Variants in CELF6 observed in about 807,000 individuals in gnomAD.
CELF6 encodes Bruno -like 6, RNA binding protein.
In CELF6, 32 loss-of-function variants were observed where a neutral mutation model predicts 53.1. The observed-to-expected ratio is 0.60, with a 90% CI of 0.46 to 0.81. CELF6 has a LOEUF of 0.81. Ranked by LOEUF, CELF6 falls within the 30% of genes least tolerant of loss-of-function variation. The pLI is 0.00. For missense variants in CELF6, 539 were observed against 669.5 expected, an observed-to-expected ratio of 0.81 and a Z score of 2.15; for synonymous variants, 291 against 288.8, an observed-to-expected ratio of 1.01 and a Z score of -0.08.
rs546300355 is a variant in CELF6, at chr15:72,310,639, C to A, written c.345+5206G>T. Among the ~76,000 whole-genome samples, 7 of 151,554 alleles carry A rather than the reference C, an allele frequency of 4.6e-5. No individual in the cohort carries two copies. The South Asian group carries it at 1.3e-3, about 27-fold the overall frequency. ...AAGTAGCTGGGACTACAGGGGCACA[C>A]CACCACACCTGGCTAATTTTTAAAA... On this transcript the variant is annotated intron_variant, in intron 2 of 12. Transcript: ENST00000287202.
At chr15:72,313,153 AC>A (rs1439927558) in intron 2 of CELF6, among the ~76,000 whole-genome samples, 4 of 152,174 alleles carry the variant, frequency 2.6e-5, no homozygotes, top group Non-Finnish European at 4.4e-5. Context: ...GTCTCAGGTC[AC>A]AGTACAGTGG....
In CELF6 at chr15:72,314,962, T is replaced by C. The variant is rs886168388; in HGVS notation, c.345+883A>G. Among the ~76,000 whole-genome samples, 12 of 152,148 alleles carry C rather than the reference T, an allele frequency of 7.9e-5. 1 individual carries two copies. Among genetic ancestry groups the C allele is most frequent in the Admixed American group, 5.2e-4 (8 of 15,276 alleles). On this transcript the variant is annotated intron_variant, in intron 2 of 12. Coordinates refer to ENST00000287202, the MANE Select transcript of CELF6 (RefSeq NM_052840.5). Reference sequence around the variant, plus strand: ...TATTAAAGTCCCTCTAAGCCCTATCTCCTCCAGTTAAATCATCCCAACTCT... The same window carrying C: ...TATTAAAGTCCCTCTAAGCCCTATCCCCTCCAGTTAAATCATCCCAACTCT...
At position 72,310,222 on chromosome 15, in the gene CELF6, C is replaced by T. The variant is rs1282665501; in HGVS notation, c.346-5428G>A. 2.0e-5 allele frequency among the ~76,000 whole-genome samples: 3 copies of T among 152,170 alleles called. No homozygotes were observed. The East Asian group carries it at 5.8e-4, about 29-fold the overall frequency. ...CAGAACCTTCTTGAGGAAGGGAACA[C>T]TGGTAGGTCTGGGAAAGGTGTCAGG... On this transcript the variant is annotated intron_variant, in intron 2 of 12. Transcript: ENST00000287202.
At chr15:72,294,480 G>A (rs1434659923) in intron 3 of CELF6, among the ~76,000 whole-genome samples, 2 of 152,188 alleles carry the variant, frequency 1.3e-5, no homozygotes, top group Non-Finnish European at 2.9e-5. Context: ...AGAAGCCACG[G>A]GGAAAGTGAC....
At chr15:72,313,739 G>T in intron 2 of CELF6, 2 of 981,006 alleles carry the variant, frequency 2.0e-6, no homozygotes, top group Non-Finnish European at 2.4e-6. Flanking sequence ...TTGACTCTCA[G>T]TTCTAGAAGC....
At position 72,288,432 on chromosome 15, in the gene CELF6, G is replaced by T. The variant is rs1327560374; in HGVS notation, c.1194C>A (p.Leu398=). 1 of 1,614,228 alleles carries T rather than the reference G, an allele frequency of 6.2e-7. No individual in the cohort carries two copies. The highest frequency in any genetic ancestry group is 1.3e-5 in the African/African-American group (1 of 75,064). The change falls in exon 11 of 13, where the codon CTC becomes CTA. Residue 398 remains leucine, a synonymous_variant. Transcript: ENST00000287202. The surrounding 1 kb of genome is among the most constrained non-coding windows in gnomAD (Gnocchi z 4.6). ...ACTCCTGAGGCAGGTGATAGATGAAGAGGTTACAGCCTTCGGGGCCTGGAG... is the reference window on the plus strand; with the variant it reads ...ACTCCTGAGGCAGGTGATAGATGAATAGGTTACAGCCTTCGGGGCCTGGAG... ...QQREGPEGCN[L]FIYHLPQEFG...
intron 3 of CELF6, among the ~76,000 whole-genome samples, chr15:72,295,856 T>C (rs185427293): frequency 9.1e-4 from 138 of 152,360 alleles, no homozygotes; most frequent in Non-Finnish European, 8.7e-4. Flanking sequence ...ATGTAATCTC[T>C]ATAAACTCCC....
At chr15:72,292,328 T>C in intron 3 of CELF6, 1 of 1,174,972 alleles carries the variant, frequency 8.5e-7, no homozygotes, top group Admixed American at 2.3e-5. Context: ...TGCCTTGACA[T>C]TGGAGAATGG....
chr15:72,289,363 TG>T lies in CELF6; in HGVS notation c.880+11del. The T allele has an allele frequency of 6.5e-7, 1 of 1,544,480 alleles. No individual in the cohort carries two copies. The highest frequency in any genetic ancestry group is 1.9e-5 in the Admixed American group (1 of 51,824). On this transcript the variant is annotated intron_variant, in intron 7 of 12. Transcript: ENST00000287202. This position sits in a 1 kb window ranked among gnomAD's most constrained non-coding sequence, Gnocchi z 7.6. The stretch of plus-strand genomic sequence containing the variant: ...CCCCTCCCAGGCGCGCCCCAGTCCC[TG>T]GGGGCCGTACCTGCCGCGGGCAACA...
chr15:72,315,715 C>A, intron 2 of CELF6, 130 bp downstream of exon 2: 1 of 568,950 alleles, frequency 1.8e-6, no homozygotes, highest in Non-Finnish European at 3.1e-6. Context: ...TACAGGAAGC[C>A]CTCTCCTAGA....
intron 3 of CELF6, among the ~76,000 whole-genome samples, chr15:72,301,026 T>A: frequency 6.6e-6 from 1 of 151,966 alleles, no homozygotes; most frequent in Non-Finnish European, 1.5e-5. Flanking sequence ...TTCATTCACC[T>A]AGGCTGGAGT....
chr15:72,288,926 CTG>C lies in CELF6; in HGVS notation c.1033_1034del (p.Gln345GlufsTer6). On this transcript the variant is annotated frameshift_variant and splice_region_variant, in exon 9 of 13. Transcript: ENST00000287202. LOFTEE classifies it high-confidence loss of function. The surrounding 1 kb of genome is among the most constrained non-coding windows in gnomAD (Gnocchi z 4.6). ...YNNGLSPYPA[Q>X]SPGVADPLQQ... The stretch of plus-strand genomic sequence containing the variant: ...GCAGGGGGTCAGCCACGCCGGGGCT[CTG>C]GGCTGGGGAGAGAGGGGCGCGAGGC... 1.3e-6 allele frequency: 2 copies of C among 1,550,466 alleles called. No individual in the cohort carries two copies. The highest frequency in any genetic ancestry group is 1.4e-5 in the African/African-American group (1 of 73,172).
chr15:72,310,850 C>T (rs1030462024), intron 2 of CELF6, among the ~76,000 whole-genome samples: 1 of 152,202 alleles, frequency 6.6e-6, no homozygotes, highest in African/African-American at 2.4e-5. Flanking sequence ...CCTCTGTTCC[C>T]CCATTGCAAG....
chr15:72,292,093 C>T (rs1008256488), intron 3 of CELF6: 38 of 684,824 alleles, frequency 5.5e-5, no homozygotes, highest in African/African-American at 5.3e-4. Flanking sequence ...AAAAATAGAA[C>T]TGCTGTGACT....
In CELF6 at chr15:72,288,952, G is replaced by GC. The variant is rs1392214954; in HGVS notation, c.1031-23dup. On this transcript the variant is annotated intron_variant, in intron 8 of 12. Transcript: ENST00000287202. This position sits in a 1 kb window ranked among gnomAD's most constrained non-coding sequence, Gnocchi z 4.6. ...TGGGCTGGGGAGAGAGGGGCGCGAGGCCCACAGTGAAGGCAAGCGGGCGAG... is the reference window on the plus strand; with the variant it reads ...TGGGCTGGGGAGAGAGGGGCGCGAGGCCCCACAGTGAAGGCAAGCGGGCGAG... The GC allele has an allele frequency of 1.3e-6, 2 of 1,547,240 alleles. No homozygotes were observed. The highest frequency in any genetic ancestry group is 1.7e-6 in the Non-Finnish European group (2 of 1,144,568).
intron 2 of CELF6, among the ~76,000 whole-genome samples, chr15:72,306,592 G>T (rs2088234172): frequency 6.7e-6 from 1 of 150,120 alleles, no homozygotes; most frequent in South Asian, 2.1e-4. Context: ...AACAGGCCAA[G>T]TCTGAACCAG....
At chr15:72,309,697 A>T (rs2088272381) in intron 2 of CELF6, among the ~76,000 whole-genome samples, 2 of 152,170 alleles carry the variant, frequency 1.3e-5, no homozygotes, top group Admixed American at 1.3e-4. Flanking sequence ...GCAACCTATT[A>T]TATATATCTT....
At chr15:72,318,532 C>T (rs1018189904) in intron 1 of CELF6, among the ~76,000 whole-genome samples, 2 of 152,178 alleles carry the variant, frequency 1.3e-5, no homozygotes, top group African/African-American at 4.8e-5. Context: ...CTCCCCTTCT[C>T]CTGCCCATGT....
At chr15:72,287,502 A>G in intron 11 of CELF6, 110 bp from the exon 12 acceptor site, 2 of 1,201,674 alleles carry the variant, frequency 1.7e-6, no homozygotes, top group South Asian at 2.7e-5. Flanking sequence ...TCCATCAAAC[A>G]CATACCCCTC....
Sources: allele counts gnomAD v4.1 joint callset (sites outside exome capture counted in the v4.1 genomes callset), GRCh38; gene constraint gnomAD v4.1.1; non-coding constraint Gnocchi (gnomAD v3.1); transcripts MANE v1.5; gene names NCBI Gene and HGNC (gene_info 2026-07-23, HGNC 2026-07-21).